The following PABPC4L variants were observed in gnomAD, a reference collection of about 807,000 sequenced individuals.
The protein encoded by PABPC4L is poly(A) binding protein cytoplasmic 4 like, also known as polyadenylate-binding protein 4-like.
For synonymous variants in PABPC4L, 169 were observed against 164.1 expected, an observed-to-expected ratio of 1.03 and a Z score of -0.23; for missense variants, 452 against 451.4, an observed-to-expected ratio of 1.00 and a Z score of -0.01.
the PABPC4L span, among the ~76,000 whole-genome samples, chr4:133,994,950 C>A: frequency 2.0e-5 from 3 of 152,132 alleles, no homozygotes; most frequent in Non-Finnish European, 4.4e-5. Context: ...CGGTTGCAAC[C>A]TTTTTAGGGT....
chr4:134,110,136 A>T, the PABPC4L span, among the ~76,000 whole-genome samples: 1 of 152,112 alleles, frequency 6.6e-6, no homozygotes, highest in African/African-American at 2.4e-5. Flanking sequence ...AAGAGCCTCA[A>T]GAAAGAGAGC....
At chr4:134,111,189 G>A in the PABPC4L span, among the ~76,000 whole-genome samples, 4 of 151,944 alleles carry the variant, frequency 2.6e-5, no homozygotes, top group Non-Finnish European at 4.4e-5. Flanking sequence ...AGGCAGAAGG[G>A]GGAAAGGCAA....
rs1387612468 is a variant in PABPC4L at position 134,197,513 on chromosome 4, T to C, written c.*2394A>G. Reference sequence around the variant, plus strand: ...AACTTTCCAGCTTAACATTCAATTTTGGAATAACCTTCAAAACTATAAAGA... The same window carrying C: ...AACTTTCCAGCTTAACATTCAATTTCGGAATAACCTTCAAAACTATAAAGA... On this transcript the variant is annotated 3_prime_UTR_variant, in exon 2 of 2. Coordinates refer to ENST00000421491, the MANE Select transcript of PABPC4L (RefSeq NM_001114734.2). 1 of 151,666 alleles carries C rather than the reference T, an allele frequency of 6.6e-6. No individual in the cohort carries two copies. Among genetic ancestry groups the C allele is most frequent in the Non-Finnish European group, 1.5e-5 (1 of 67,640 alleles). The allele number at this position is 151,666 out of a possible 1,614,324, so 9.4% of individuals were successfully genotyped here. A position where few individuals can be genotyped will look rare whatever the true frequency, so the allele number is the denominator to read the frequency against.
At chr4:134,039,013 G>T in the PABPC4L span, among the ~76,000 whole-genome samples, 1 of 152,030 alleles carries the variant, frequency 6.6e-6, no homozygotes, top group Non-Finnish European at 1.5e-5. Context: ...AGAGATTCTG[G>T]TATGTTGTGT....
At chr4:133,974,412 T>TC in the PABPC4L span, among the ~76,000 whole-genome samples, 2 of 151,970 alleles carry the variant, frequency 1.3e-5, no homozygotes, top group African/African-American at 4.8e-5. Context: ...AATTATGAAA[T>TC]CCTTAGAAGA....
chr4:134,193,458 T>G (rs764775140), downstream of PABPC4L, among the ~76,000 whole-genome samples: 31 of 152,126 alleles, frequency 2.0e-4, no homozygotes, highest in South Asian at 6.2e-4. Flanking sequence ...ACTCTTTTTC[T>G]CCCTGTAACA....
the PABPC4L span, among the ~76,000 whole-genome samples, chr4:134,092,747 G>T: frequency 7.9e-5 from 12 of 152,076 alleles, no homozygotes; most frequent in East Asian, 1.9e-3. Flanking sequence ...CCTCCCACAA[G>T]GGGTTTGAAC....
the PABPC4L span, among the ~76,000 whole-genome samples, chr4:134,056,492 TA>T: frequency 2.0e-5 from 3 of 151,994 alleles, no homozygotes; most frequent in Admixed American, 1.3e-4. Context: ...TGCATCTATT[TA>T]CATTTTTCAT....
At chr4:134,118,246 G>C in the PABPC4L span, among the ~76,000 whole-genome samples, 1 of 151,770 alleles carries the variant, frequency 6.6e-6, no homozygotes, top group Non-Finnish European at 1.5e-5. Flanking sequence ...TTCCTGTAAA[G>C]GATGTCTCAA....
In PABPC4L at chr4:134,200,030, C is replaced by A. The variant is rs1729795640; in HGVS notation, c.990G>T (p.Gln330His). The A allele has an allele frequency of 6.4e-7, 1 of 1,551,580 alleles. No homozygotes were observed. The highest frequency in any genetic ancestry group is 1.4e-5 in the African/African-American group (1 of 73,052). Residue 330 changes from glutamine to histidine, a missense_variant, in exon 2 of 2, where the codon CAG (glutamine) becomes CAT (histidine). By Grantham distance (24) the Gln-to-His change is conservative (BLOSUM62 0). Transcript: ENST00000421491. Reference protein sequence around the residue: ...SRVKVMQEEGQSKGFGLICFS... With the variant: ...SRVKVMQEEGHSKGFGLICFS... ...AGCAGATCAAGCCAAACCCTTTGCTCTGCCCCTCTTCCTGCATTACCTTAA... is the reference window on the plus strand; with the variant it reads ...AGCAGATCAAGCCAAACCCTTTGCTATGCCCCTCTTCCTGCATTACCTTAA...
the PABPC4L span, among the ~76,000 whole-genome samples, chr4:133,981,166 A>G: frequency 6.6e-6 from 1 of 151,884 alleles, no homozygotes. Context: ...ACTGGGGAAA[A>G]AAAAAAAATA....
chr4:134,054,394 T>C, the PABPC4L span, among the ~76,000 whole-genome samples: 2 of 151,064 alleles, frequency 1.3e-5, no homozygotes, highest in African/African-American at 4.8e-5. Context: ...AGATCCCTTG[T>C]ATCCTTTACA....
the PABPC4L span, among the ~76,000 whole-genome samples, chr4:134,056,224 G>A: frequency 7.9e-5 from 12 of 151,924 alleles, no homozygotes; most frequent in Non-Finnish European, 1.8e-4. Context: ...TATCAATAAC[G>A]CACAGTTTTG....
chr4:133,976,922 A>G, the PABPC4L span, among the ~76,000 whole-genome samples: 1 of 151,458 alleles, frequency 6.6e-6, no homozygotes, highest in African/African-American at 2.4e-5. Flanking sequence ...TTTTAATTAG[A>G]TCCCATTTGT....
At chr4:134,057,841 AT>A in the PABPC4L span, among the ~76,000 whole-genome samples, 1 of 152,002 alleles carries the variant, frequency 6.6e-6, no homozygotes, top group Non-Finnish European at 1.5e-5. Context: ...TCTAGTGCTT[AT>A]TTTATATATA....
chr4:134,011,793 A>G, the PABPC4L span, among the ~76,000 whole-genome samples: 1 of 152,150 alleles, frequency 6.6e-6, no homozygotes, highest in South Asian at 2.1e-4. Flanking sequence ...AAAATCTTGC[A>G]TATTTCTTGA....
the PABPC4L span, among the ~76,000 whole-genome samples, chr4:134,066,374 A>G: frequency 6.6e-6 from 1 of 152,000 alleles, no homozygotes; most frequent in East Asian, 1.9e-4. Flanking sequence ...AATGCTACTG[A>G]TTTTTTTAGA....
the PABPC4L span, among the ~76,000 whole-genome samples, chr4:134,177,150 G>A: frequency 1.3e-5 from 2 of 150,650 alleles, no homozygotes; most frequent in Admixed American, 6.7e-5. Context: ...CCCTGCTAGA[G>A]CTTCTATCCC....
At chr4:134,128,810 A>G in the PABPC4L span, among the ~76,000 whole-genome samples, 4 of 152,192 alleles carry the variant, frequency 2.6e-5, no homozygotes, top group Non-Finnish European at 5.9e-5. Flanking sequence ...GGAATAGAAT[A>G]GTATCTCACA....
Sources: allele counts gnomAD v4.1 joint callset (sites outside exome capture counted in the v4.1 genomes callset), GRCh38; gene constraint gnomAD v4.1.1; transcripts MANE v1.5; gene names NCBI Gene and HGNC (gene_info 2026-07-23, HGNC 2026-07-21).